NRXN3: variants seen among roughly 807,000 people sequenced by gnomAD.
NRXN3 encodes neurexin III.
Under a neutral mutation model 137.6 loss-of-function variants are expected in NRXN3, and 32 were observed. The ratio of observed to expected loss-of-function variants is 0.23; its 90% confidence interval spans 0.18 to 0.31. The LOEUF (loss-of-function observed/expected upper bound fraction) is 0.31. NRXN3 is among the 10% of genes least tolerant of loss of function. The pLI is 1.00. For synonymous variants in NRXN3, 798 were observed against 784.5 expected, an observed-to-expected ratio of 1.02 and a Z score of -0.29; for missense variants, 1,574 against 2,062.5, an observed-to-expected ratio of 0.76 and a Z score of 4.59.
chr14:78,945,340 T>G (rs2099363011), intron 10 of NRXN3, among the ~76,000 whole-genome samples: 1 of 152,232 alleles, frequency 6.6e-6, no homozygotes, highest in Non-Finnish European at 1.5e-5. Context: ...TCATTTTATC[T>G]GGCCTTATTT....
At chr14:78,523,785 C>T (rs55961673) in intron 4 of NRXN3, among the ~76,000 whole-genome samples, 4,009 of 133,486 alleles carry the variant, frequency 0.03, 78 homozygotes, top group South Asian at 0.06. Context: ...TCACTGCACT[C>T]CAGCCTGGGT....
intron 15 of NRXN3, among the ~76,000 whole-genome samples, chr14:79,436,757 G>T (rs1025206200): frequency 6.6e-6 from 1 of 152,152 alleles, no homozygotes; most frequent in South Asian, 2.1e-4. Flanking sequence ...AGGACTGCAG[G>T]TACCACTAAA....
intron 19 of NRXN3, among the ~76,000 whole-genome samples, chr14:79,781,996 G>T (rs2099115382): frequency 6.6e-6 from 1 of 152,182 alleles, no homozygotes; most frequent in Non-Finnish European, 1.5e-5. Flanking sequence ...TGCAGGATAT[G>T]TTCACTGCTG....
chr14:79,860,068 C>T (rs568433718), intron 20 of NRXN3, among the ~76,000 whole-genome samples: 10 of 152,252 alleles, frequency 6.6e-5, no homozygotes, highest in African/African-American at 2.4e-4. Context: ...TTGTGGTACC[C>T]ATGATCTGCA....
chr14:79,286,042 GA>G, intron 15 of NRXN3, among the ~76,000 whole-genome samples: 1 of 152,138 alleles, frequency 6.6e-6, no homozygotes, highest in Non-Finnish European at 1.5e-5. Flanking sequence ...CAGATATGGG[GA>G]AAAAAACAGC....
intron 1 of NRXN3, among the ~76,000 whole-genome samples, chr14:78,170,954 T>TC (rs201720890): frequency 1.7e-3 from 48 of 28,104 alleles, no homozygotes; most frequent in Middle Eastern, 0.015. Flanking sequence ...TTCTTCTTCT[T>TC]TTTTTTTTTT....
At chr14:78,738,776 G>C (rs953558558) in intron 8 of NRXN3, among the ~76,000 whole-genome samples, 1 of 145,184 alleles carries the variant, frequency 6.9e-6, no homozygotes, top group Non-Finnish European at 1.6e-5. Context: ...GGTGAGGGGT[G>C]GGGGGGTGCT....
chr14:78,787,031 G>A (rs529706714), intron 8 of NRXN3, among the ~76,000 whole-genome samples: 129 of 152,198 alleles, frequency 8.5e-4, no homozygotes, highest in African/African-American at 3.0e-3. Flanking sequence ...AAAGTGACAA[G>A]AAACTGATTT....
intron 16 of NRXN3, among the ~76,000 whole-genome samples, chr14:79,509,806 T>C (rs957575276): frequency 2.6e-5 from 4 of 152,144 alleles, no homozygotes; most frequent in Non-Finnish European, 5.9e-5. Context: ...ACTTTTATTA[T>C]TTTGTATTTT....
intron 4 of NRXN3, among the ~76,000 whole-genome samples, chr14:78,627,308 A>G (rs2097474618): frequency 6.6e-6 from 1 of 152,140 alleles, no homozygotes; most frequent in Admixed American, 6.5e-5. Flanking sequence ...TAAGGCCTTC[A>G]GGAGACTGGA....
chr14:78,636,710 G>T (rs2097570058), intron 4 of NRXN3, among the ~76,000 whole-genome samples: 1 of 152,134 alleles, frequency 6.6e-6, no homozygotes, highest in African/African-American at 2.4e-5. Context: ...TTACAGTTTT[G>T]CTTATATGGA....
chr14:78,728,702 C>G (rs1388095710), intron 8 of NRXN3, among the ~76,000 whole-genome samples: 3 of 152,136 alleles, frequency 2.0e-5, no homozygotes, highest in East Asian at 3.9e-4. Context: ...TCGAGACCAG[C>G]CTGGCCAACA....
chr14:78,383,224 T>C (rs191428187), intron 4 of NRXN3, among the ~76,000 whole-genome samples: 22 of 152,156 alleles, frequency 1.4e-4, no homozygotes, highest in African/African-American at 5.1e-4. Context: ...ACTTTTGGCA[T>C]GGTGTCTTTG....
At chr14:78,946,562 A>G (rs1261574817) in intron 10 of NRXN3, among the ~76,000 whole-genome samples, 1 of 152,196 alleles carries the variant, frequency 6.6e-6, no homozygotes, top group Non-Finnish European at 1.5e-5. Context: ...CTTTTAAATT[A>G]AACCCCTCCT....
intron 10 of NRXN3, among the ~76,000 whole-genome samples, chr14:78,815,337 A>T (rs1479132376): frequency 6.6e-6 from 1 of 152,156 alleles, no homozygotes; most frequent in Non-Finnish European, 1.5e-5. Flanking sequence ...GATACCTTTG[A>T]TTCATCATAG....
intron 16 of NRXN3, among the ~76,000 whole-genome samples, chr14:79,593,562 C>T (rs1304579152): frequency 8.6e-5 from 12 of 140,196 alleles, no homozygotes; most frequent in Admixed American, 3.9e-4. Flanking sequence ...ACCCGGGAGG[C>T]AGAGCTTGCA....
intron 19 of NRXN3, among the ~76,000 whole-genome samples, chr14:79,776,989 C>G (rs762668649): frequency 3.9e-4 from 60 of 152,240 alleles, no homozygotes; most frequent in Admixed American, 9.2e-4. Context: ...CTTTCTGGCT[C>G]CTTCTCCCTC....
At chr14:78,328,275 G>A (rs1488294194) in intron 4 of NRXN3, among the ~76,000 whole-genome samples, 1 of 152,106 alleles carries the variant, frequency 6.6e-6, no homozygotes, top group Non-Finnish European at 1.5e-5. Context: ...CTCAATAGAC[G>A]ATGACTCTCC....
chr14:78,178,868 G>A (rs1183021512), intron 1 of NRXN3, among the ~76,000 whole-genome samples: 1 of 152,128 alleles, frequency 6.6e-6, no homozygotes, highest in African/African-American at 2.4e-5. Flanking sequence ...CTGGGAATTG[G>A]ATCATCTAAA....
Sources: gnomAD v4.1 joint callset for allele counts (sites outside exome capture counted in the v4.1 genomes callset) on GRCh38, gnomAD v4.1.1 for gene constraint, MANE v1.5 for transcripts, NCBI Gene and HGNC (gene_info 2026-07-23, HGNC 2026-07-21) for gene names.